Variants in UHRF2 observed in about 807,000 individuals in gnomAD.
UHRF2 encodes E3 ubiquitin-protein ligase UHRF2.
Under a neutral mutation model 96.8 loss-of-function variants are expected in UHRF2, and 23 were observed. The observed-to-expected ratio is 0.24, with a 90% CI of 0.17 to 0.34. UHRF2 has a LOEUF of 0.34. Ranked by LOEUF, UHRF2 falls within the 10% of genes least tolerant of loss-of-function variation. The probability of loss-of-function intolerance (pLI) is 1.00; values close to 1 mark genes in which losing one functional copy is unlikely to be tolerated. For missense variants in UHRF2, 685 were observed against 981.5 expected (o/e 0.70, Z 4.04); for synonymous variants, 385 against 332.6 (o/e 1.16, Z -1.72).
chr9:6,451,749 G>C (rs1001654410), intron 3 of UHRF2, among the ~76,000 whole-genome samples: 6 of 150,194 alleles, frequency 4.0e-5, no homozygotes, highest in Non-Finnish European at 7.4e-5. Flanking sequence ...GGGATTACAG[G>C]CGTGAGCCAC....
chr9:6,427,659 TG>T (rs1215760748), intron 2 of UHRF2, among the ~76,000 whole-genome samples: 1 of 152,190 alleles, frequency 6.6e-6, no homozygotes, highest in African/African-American at 2.4e-5. Flanking sequence ...CACTCCTGCC[TG>T]GGTGACAGAG....
At chr9:6,500,794 C>G in intron 14 of UHRF2, 85 bp downstream of exon 14, 3 of 1,296,980 alleles carry the variant, frequency 2.3e-6, no homozygotes, top group South Asian at 3.1e-5. Context: ...TTTCACACAT[C>G]AGTCAAAACT....
At chr9:6,502,603 A>C (rs1341925758) in intron 14 of UHRF2, among the ~76,000 whole-genome samples, 1 of 152,180 alleles carries the variant, frequency 6.6e-6, no homozygotes, top group Non-Finnish European at 1.5e-5. Context: ...AGTTATTACT[A>C]TCTGAAACAG....
At chr9:6,500,066 GGGCTCAA>G (rs1446630249) in intron 13 of UHRF2, 135 bp downstream of exon 13, 1 of 629,828 alleles carries the variant, frequency 1.6e-6, no homozygotes, top group African/African-American at 1.8e-5. Flanking sequence ...TTGACCTCCT[GGGCTCAA>G]GCGATCCACC....
chr9:6,496,533 C>G (rs992124440), intron 10 of UHRF2: 3 of 152,166 alleles, frequency 2.0e-5, no homozygotes, highest in African/African-American at 4.8e-5. Flanking sequence ...TTTGACCATG[C>G]ATTAATGCAT....
chr9:6,423,781 T>TA (rs1820073936), intron 2 of UHRF2, among the ~76,000 whole-genome samples: 1 of 151,802 alleles, frequency 6.6e-6, no homozygotes, highest in Non-Finnish European at 1.5e-5. Context: ...CCGTCTCCAC[T>TA]AAAAATACAA....
chr9:6,499,821 TCC>T lies in UHRF2; in HGVS notation c.1909-7_1909-6del, dbSNP rs57099869. ...TAAATCTGCATTGTACTCTCCCTCC[TCC>T]CCCCCCATCAGTATCCAGCAGGTTA... On this transcript the variant is annotated splice_polypyrimidine_tract_variant and intron_variant, in intron 12 of 15. Coordinates refer to ENST00000276893, the MANE Select transcript of UHRF2 (RefSeq NM_152896.3). 15 of 1,532,858 alleles carry T rather than the reference TCC, an allele frequency of 9.8e-6. 1 individual carries two copies. Among genetic ancestry groups the T allele is most frequent in the African/African-American group, 5.6e-5 (4 of 70,974 alleles). 95.0% of individuals were successfully genotyped at this position (1,532,858 alleles called of 1,614,324 possible).
chr9:6,475,341 T>A, intron 4 of UHRF2, 50 bp from the exon 5 acceptor site: 1 of 1,156,654 alleles, frequency 8.6e-7, no homozygotes, highest in Non-Finnish European at 1.2e-6. Flanking sequence ...TATTTGTATA[T>A]ACCTTAGATT....
chr9:6,455,615 G>C (rs552918006), intron 3 of UHRF2, among the ~76,000 whole-genome samples: 1 of 152,280 alleles, frequency 6.6e-6, no homozygotes, highest in African/African-American at 2.4e-5. Flanking sequence ...GGAGCAGCAG[G>C]TCTTAATTTT....
chr9:6,421,477 C>T (rs958721939), intron 2 of UHRF2, among the ~76,000 whole-genome samples: 3 of 152,090 alleles, frequency 2.0e-5, no homozygotes, highest in Non-Finnish European at 4.4e-5. Context: ...CAGTGGCGCA[C>T]GCAATCTTGG....
chr9:6,476,172 A>G (rs1219690211), intron 5 of UHRF2, among the ~76,000 whole-genome samples: 2 of 152,078 alleles, frequency 1.3e-5, no homozygotes, highest in African/African-American at 4.8e-5. Flanking sequence ...ACTTAACATA[A>G]TGTTCTCCAG....
intron 3 of UHRF2, among the ~76,000 whole-genome samples, chr9:6,455,494 T>C (rs1214627818): frequency 2.0e-5 from 3 of 152,200 alleles, no homozygotes; most frequent in Non-Finnish European, 4.4e-5. Context: ...CTGCATAATA[T>C]TCCATGGTGT....
At position 6,454,831 on chromosome 9, in the gene UHRF2, T is replaced by C. The variant is rs145378878; in HGVS notation, c.645-5742T>C. On this transcript the variant is annotated intron_variant, in intron 3 of 15. Coordinates refer to ENST00000276893, the MANE Select transcript of UHRF2 (RefSeq NM_152896.3). ...TTAATATCATAAATACTAATTCCTGTATTTCTATGGCACAGTGGGTTTTTA... is the reference window on the plus strand; with the variant it reads ...TTAATATCATAAATACTAATTCCTGCATTTCTATGGCACAGTGGGTTTTTA... Among the ~76,000 whole-genome samples the C allele has an allele frequency of 1.7e-4, 26 of 152,336 alleles. No individual in the cohort carries two copies. The East Asian group carries it at 5.0e-3, about 29-fold the overall frequency.
At chr9:6,504,813 TAAG>T in intron 15 of UHRF2, 122 bp downstream of exon 15, 1 of 636,620 alleles carries the variant, frequency 1.6e-6, no homozygotes. Context: ...ACCTTCTAGT[TAAG>T]AAGCATTTAG....
At chr9:6,504,762 C>T in intron 15 of UHRF2, 71 bp downstream of exon 15, 2 of 1,250,984 alleles carry the variant, frequency 1.6e-6, no homozygotes, top group Non-Finnish European at 2.3e-6. Flanking sequence ...CTGTTTTTAG[C>T]ATGCTAAGAA....
At chr9:6,423,953 T>A (rs552167592) in intron 2 of UHRF2, among the ~76,000 whole-genome samples, 36 of 151,144 alleles carry the variant, frequency 2.4e-4, no homozygotes, top group South Asian at 1.0e-3. Context: ...TCAAAAAAAA[T>A]AAATAAATAA....
Position 6,433,943 on chromosome 9 carries a change from C to T in UHRF2, c.414C>T (p.Val138=). 2 of 1,609,762 alleles carry T rather than the reference C, an allele frequency of 1.2e-6. No homozygotes were observed. Among genetic ancestry groups the T allele is most frequent in the Non-Finnish European group, 1.7e-6 (2 of 1,176,708 alleles). The change falls in exon 3 of 16, where the codon GTC becomes GTT. Residue 138 remains valine (V), a synonymous_variant. Transcript: ENST00000276893. The part of the protein sequence containing the change: ...KVNELVDARD[V]GLGAWFEAHI... ...ATGAATTGGTGGATGCCAGAGATGT[C>T]GGCCTTGGTGCTTGGTTTGAAGCAC...
intron 3 of UHRF2, among the ~76,000 whole-genome samples, chr9:6,459,824 T>C (rs1324179654): frequency 6.6e-6 from 1 of 152,160 alleles, no homozygotes; most frequent in African/African-American, 2.4e-5. Context: ...GAAAAACATA[T>C]TAGCTGGGTG....
At chr9:6,486,246 C>G (rs913926011) in intron 8 of UHRF2, among the ~76,000 whole-genome samples, 1 of 152,180 alleles carries the variant, frequency 6.6e-6, no homozygotes, top group African/African-American at 2.4e-5. Context: ...AAAAAAGGAT[C>G]TGTTGTGAGC....
Sources: allele counts gnomAD v4.1 joint callset (sites outside exome capture counted in the v4.1 genomes callset), GRCh38; gene constraint gnomAD v4.1.1; transcripts MANE v1.5; gene names NCBI Gene and HGNC (gene_info 2026-07-23, HGNC 2026-07-21).